STRBP: variants seen among roughly 807,000 people sequenced by gnomAD.
The protein encoded by STRBP is spermatid perinuclear RNA binding protein, also known as spermatid perinuclear RNA-binding protein.
STRBP carries 13 observed loss-of-function variants against 80.1 expected under a neutral mutation model. The ratio of observed to expected loss-of-function variants is 0.16; its 90% confidence interval spans 0.11 to 0.26. The LOEUF (loss-of-function observed/expected upper bound fraction) is 0.26. Ranked by LOEUF, STRBP falls within the 10% of genes least tolerant of loss-of-function variation. STRBP has a pLI of 1.00. For missense variants in STRBP, 485 were observed against 815.2 expected (o/e 0.59, Z 4.93); for synonymous variants, 284 against 291.2 (o/e 0.98, Z 0.25).
intron 6 of STRBP, among the ~76,000 whole-genome samples, chr9:123,162,869 T>C (rs2037582734): frequency 6.6e-6 from 1 of 152,240 alleles, no homozygotes; most frequent in Non-Finnish European, 1.5e-5. Flanking sequence ...ATACAAAATA[T>C]ACAAGTAGCT....
intron 2 of STRBP, among the ~76,000 whole-genome samples, chr9:123,234,767 C>T (rs1175376888): frequency 6.6e-6 from 1 of 152,004 alleles, no homozygotes; most frequent in African/African-American, 2.4e-5. Flanking sequence ...CAAGACCAGC[C>T]TGGCCAAGAT....
chr9:123,231,141 G>A (rs576879243), intron 2 of STRBP, among the ~76,000 whole-genome samples: 1 of 152,166 alleles, frequency 6.6e-6, no homozygotes, highest in African/African-American at 2.4e-5. Flanking sequence ...GTGGGATCCA[G>A]GTTATCAGTA....
chr9:123,204,345 C>T (rs2039436117), intron 2 of STRBP, among the ~76,000 whole-genome samples: 1 of 152,236 alleles, frequency 6.6e-6, no homozygotes, highest in Admixed American at 6.5e-5. Context: ...GGGTCCCCAA[C>T]ATCTTTTCCA....
intron 17 of STRBP, among the ~76,000 whole-genome samples, chr9:123,132,006 T>C (rs2036156607): frequency 1.3e-5 from 2 of 152,364 alleles, no homozygotes; most frequent in South Asian, 4.1e-4. Context: ...TAAAGTACTA[T>C]ACTTTCAATA....
At chr9:123,266,140 T>G (rs1330059248) in intron 1 of STRBP, among the ~76,000 whole-genome samples, 1 of 152,208 alleles carries the variant, frequency 6.6e-6, no homozygotes, top group Non-Finnish European at 1.5e-5. Context: ...ACATCTGCCC[T>G]GCACCTGCTG....
At chr9:123,188,849 A>G (rs918544284) in intron 2 of STRBP, among the ~76,000 whole-genome samples, 1 of 152,204 alleles carries the variant, frequency 6.6e-6, no homozygotes, top group Non-Finnish European at 1.5e-5. Context: ...TGACTAGGAA[A>G]CCTTCAATTT....
At chr9:123,215,717 G>A (rs1021462962) in intron 2 of STRBP, among the ~76,000 whole-genome samples, 1 of 152,218 alleles carries the variant, frequency 6.6e-6, no homozygotes, top group African/African-American at 2.4e-5. Flanking sequence ...CCCAGGAGGC[G>A]GAGTTGCAGT....
chr9:123,214,392 A>G (rs2039822778), intron 2 of STRBP, among the ~76,000 whole-genome samples: 1 of 152,198 alleles, frequency 6.6e-6, no homozygotes, highest in Non-Finnish European at 1.5e-5. Context: ...AATCAGGTTC[A>G]GTGTACACTG....
chr9:123,208,052 T>C (rs1181070373), intron 2 of STRBP, among the ~76,000 whole-genome samples: 1 of 152,004 alleles, frequency 6.6e-6, no homozygotes, highest in Admixed American at 6.6e-5. Context: ...AAGTATTCAA[T>C]GTAAACTAAA....
rs556087548 is a variant in STRBP, at chr9:123,252,303, C to G, written c.-301-15337G>C. Among the ~76,000 whole-genome samples the G allele has an allele frequency of 1.9e-4, 29 of 152,308 alleles. 1 individual carries two copies. The highest frequency in any genetic ancestry group is 1.8e-3 in the Admixed American group (27 of 15,302). On this transcript the variant is annotated intron_variant, in intron 1 of 18. Coordinates refer to ENST00000348403, the MANE Select transcript of STRBP (RefSeq NM_018387.5). ...AACACAATTCACTATGTGCCAGATA[C>G]TGTGCTGAGCCCTTTAGAGACATCA...
chr9:123,116,434 C>T (rs2035646195), intron 2 of STRBP, among the ~76,000 whole-genome samples: 1 of 152,092 alleles, frequency 6.6e-6, no homozygotes, highest in Non-Finnish European at 1.5e-5. Flanking sequence ...AGAAATTAAC[C>T]CCAACTGTGT....
At chr9:123,218,495 G>A (rs1370322694) in intron 2 of STRBP, among the ~76,000 whole-genome samples, 6 of 148,232 alleles carry the variant, frequency 4.0e-5, no homozygotes, top group East Asian at 2.0e-4. Flanking sequence ...TCAGCCTCCC[G>A]AGTAGCTGGG....
intron 3 of STRBP, chr9:123,111,833 A>G (rs998916082): frequency 1.2e-5 from 3 of 258,918 alleles, no homozygotes; most frequent in East Asian, 1.7e-4. Flanking sequence ...CTCCATGTCC[A>G]TAAGAGAGAA....
chr9:123,154,192 G>T (rs2037180817), intron 11 of STRBP, among the ~76,000 whole-genome samples: 1 of 152,154 alleles, frequency 6.6e-6, no homozygotes, highest in African/African-American at 2.4e-5. Flanking sequence ...CAAAACTAAA[G>T]AACCTAAACG....
At chr9:123,220,865 G>A (rs890360130) in intron 2 of STRBP, among the ~76,000 whole-genome samples, 2 of 152,154 alleles carry the variant, frequency 1.3e-5, no homozygotes, top group Non-Finnish European at 2.9e-5. Context: ...TGACTTCCAA[G>A]TTGCAGAGCT....
intron 2 of STRBP, among the ~76,000 whole-genome samples, chr9:123,215,196 A>T (rs1266053052): frequency 6.6e-6 from 1 of 151,870 alleles, no homozygotes; most frequent in African/African-American, 2.4e-5. Flanking sequence ...CCTCCCAAGT[A>T]GCTAAGACTA....
intron 13 of STRBP, 42 bp downstream of exon 13, chr9:123,146,813 C>T: frequency 6.7e-7 from 1 of 1,502,046 alleles, no homozygotes. Context: ...TTATTTGGAA[C>T]ATAAAATAAG....
At chr9:123,262,404 G>A (rs544615493) in intron 1 of STRBP, among the ~76,000 whole-genome samples, 1 of 152,292 alleles carries the variant, frequency 6.6e-6, no homozygotes, top group East Asian at 1.9e-4. Flanking sequence ...AGGATATTGT[G>A]AAAAATCCTG....
Position 123,125,644 on chromosome 9 carries a change from C to T in STRBP, c.1972G>A (p.Val658Ile), listed in dbSNP as rs1216014973. 3.1e-6 allele frequency: 5 copies of T among 1,613,248 alleles called. No individual in the cohort carries two copies. The highest frequency in any genetic ancestry group is 1.7e-5 in the Admixed American group (1 of 59,880). ...ACAGGATATGTTGGAAATTTCATAA[C>T]GGGTAACAGAACCATTCTCTTGGGT... is the stretch of plus-strand genomic sequence containing the variant. ...GLPKRMVLLP[V>I]MKFPTYPVPH... Residue 658 changes from valine to isoleucine, a missense_variant, in exon 19 of 19, where the codon GTT becomes ATT. Transcript: ENST00000348403.
Sources: gnomAD v4.1 joint callset for allele counts (sites outside exome capture counted in the v4.1 genomes callset) on GRCh38, gnomAD v4.1.1 for gene constraint, MANE v1.5 for transcripts, NCBI Gene and HGNC (gene_info 2026-07-23, HGNC 2026-07-21) for gene names.